LRP1B: variants seen among roughly 807,000 people sequenced by gnomAD.
LRP1B encodes LDL receptor related protein 1B.
A neutral mutation model predicts 556.6 loss-of-function variants in LRP1B; 217 were observed. The observed-to-expected ratio is 0.39, with a 90% CI of 0.35 to 0.44. The LOEUF (loss-of-function observed/expected upper bound fraction) is 0.44, where lower values mean the gene tolerates loss of function less well. Among genes scored for constraint, LRP1B ranks in the 20% least tolerant of loss-of-function variants. The pLI, the probability that LRP1B is intolerant of heterozygous loss-of-function variation, is 1.00. For missense variants in LRP1B, 5,053 were observed against 5,620.8 expected, an observed-to-expected ratio of 0.90 and a Z score of 3.23; for synonymous variants, 2,047 against 1,865.8, an observed-to-expected ratio of 1.10 and a Z score of -2.50.
At chr2:141,066,514 T>A (rs747717207) in intron 7 of LRP1B, among the ~76,000 whole-genome samples, 1 of 151,994 alleles carries the variant, frequency 6.6e-6, no homozygotes, top group South Asian at 2.1e-4. Flanking sequence ...TACTGACATC[T>A]TAAAGCATGC....
At chr2:140,811,072 T>G (rs1240905789) in intron 32 of LRP1B, among the ~76,000 whole-genome samples, 2 of 152,082 alleles carry the variant, frequency 1.3e-5, no homozygotes, top group East Asian at 3.9e-4. Context: ...TGTTTTTTTA[T>G]TTATTCTTTA....
At chr2:140,241,286 C>G (rs1680937720) in intron 87 of LRP1B, among the ~76,000 whole-genome samples, 1 of 150,724 alleles carries the variant, frequency 6.6e-6, no homozygotes, top group East Asian at 2.0e-4. Flanking sequence ...GTTTTAAATA[C>G]CAGAGAACAG....
At chr2:141,107,568 C>T (rs1700637915) in intron 7 of LRP1B, among the ~76,000 whole-genome samples, 1 of 152,106 alleles carries the variant, frequency 6.6e-6, no homozygotes, top group Non-Finnish European at 1.5e-5. Context: ...ATTGCTTGAA[C>T]CCAGAAGGTG....
Position 140,903,073 on chromosome 2 carries a change from G to A in LRP1B, c.3613C>T (p.Leu1205Phe), listed in dbSNP as rs2105223193. 6.2e-7 allele frequency: 1 copy of A among 1,613,596 alleles called. No individual in the cohort carries two copies. The highest frequency in any genetic ancestry group is 2.2e-5 in the East Asian group (1 of 44,816). Residue 1205 changes from leucine to phenylalanine, a missense_variant, in exon 23 of 91, where the codon CTC becomes TTC. Around this residue, in one of 5 missense-constraint regions of LRP1B, gnomAD observed 3,619 missense variants for 3,931.9 expected, o/e 0.92. Transcript: ENST00000389484. Reference sequence around the variant, plus strand: ...TCACATGTTTTATTGTCTTTGTTGAGTTGAAGTCCTTCAGGGCAGGAACAG... The same window carrying A: ...TCACATGTTTTATTGTCTTTGTTGAATTGAAGTCCTTCAGGGCAGGAACAG... Reference protein sequence around the residue: ...IVCSCPEGLQLNKDNKTCEIV... With the variant: ...IVCSCPEGLQFNKDNKTCEIV...
chr2:141,001,003 A>T (rs1197915747), intron 15 of LRP1B, among the ~76,000 whole-genome samples: 1 of 152,062 alleles, frequency 6.6e-6, no homozygotes, highest in Non-Finnish European at 1.5e-5. Flanking sequence ...TATAATTTGA[A>T]GGCCAATGAT....
At chr2:140,635,931 T>C (rs1377051412) in intron 41 of LRP1B, among the ~76,000 whole-genome samples, 1 of 152,170 alleles carries the variant, frequency 6.6e-6, no homozygotes, top group Admixed American at 6.5e-5. Flanking sequence ...GGATCTATTT[T>C]AAGTTATTCT....
chr2:141,169,004 G>A (rs1179252017), intron 7 of LRP1B, among the ~76,000 whole-genome samples: 1 of 151,920 alleles, frequency 6.6e-6, no homozygotes, highest in African/African-American at 2.4e-5. Flanking sequence ...AGATGGGACT[G>A]GCCAGGCGCG....
chr2:141,592,072 C>T (rs991090397), intron 2 of LRP1B, among the ~76,000 whole-genome samples: 1 of 152,078 alleles, frequency 6.6e-6, no homozygotes, highest in Non-Finnish European at 1.5e-5. Flanking sequence ...CACCACTCCC[C>T]TCAACCCCAC....
At chr2:141,361,419 T>C (rs185975159) in intron 3 of LRP1B, among the ~76,000 whole-genome samples, 14 of 152,306 alleles carry the variant, frequency 9.2e-5, no homozygotes, top group Non-Finnish European at 1.8e-4. Context: ...TATTCATATA[T>C]TTAAAGGAGA....
At chr2:140,472,490 T>C (rs1369664412) in intron 60 of LRP1B, among the ~76,000 whole-genome samples, 2 of 152,040 alleles carry the variant, frequency 1.3e-5, no homozygotes, top group African/African-American at 2.4e-5. Context: ...AATTGACCGA[T>C]GTATTTTGGA....
At chr2:141,126,037 ATTT>A (rs61318987) in intron 7 of LRP1B, among the ~76,000 whole-genome samples, 2 of 144,508 alleles carry the variant, frequency 1.4e-5, no homozygotes, top group Non-Finnish European at 3.0e-5. Context: ...TCTTCCTTTT[ATTT>A]TTTTTTTTTT....
intron 41 of LRP1B, 22 bp downstream of exon 41, chr2:140,700,228 A>C: frequency 6.3e-7 from 1 of 1,587,660 alleles, no homozygotes; most frequent in Non-Finnish European, 8.6e-7. Flanking sequence ...CCACCTATTT[A>C]AAATTGAATT....
chr2:140,803,268 T>TGG, intron 32 of LRP1B, among the ~76,000 whole-genome samples: 1 of 124,080 alleles, frequency 8.1e-6, no homozygotes, highest in South Asian at 2.6e-4. Flanking sequence ...AAGTTTTTTT[T>TGG]TTTTTTTTTT....
intron 82 of LRP1B, among the ~76,000 whole-genome samples, chr2:140,315,570 C>T (rs563353921): frequency 6.6e-6 from 1 of 152,026 alleles, no homozygotes. Context: ...CACCACCACA[C>T]GTGGCCAATT....
chr2:141,927,295 A>G (rs928913353), intron 1 of LRP1B, among the ~76,000 whole-genome samples: 1 of 152,158 alleles, frequency 6.6e-6, no homozygotes, highest in Non-Finnish European at 1.5e-5. Context: ...AATTTTGAGA[A>G]CACCATTAAG....
intron 2 of LRP1B, among the ~76,000 whole-genome samples, chr2:141,576,526 A>G (rs1686751293): frequency 1.3e-5 from 2 of 152,194 alleles, no homozygotes; most frequent in South Asian, 4.1e-4. Context: ...ATGTATATCT[A>G]TGTAGTAAAC....
At chr2:141,057,812 T>C (rs1471726651) in intron 9 of LRP1B, among the ~76,000 whole-genome samples, 1 of 151,844 alleles carries the variant, frequency 6.6e-6, no homozygotes, top group Non-Finnish European at 1.5e-5. Flanking sequence ...ACAATCCCCA[T>C]GCCTTTCTCC....
In LRP1B at chr2:140,451,670, A is replaced by G. The variant is rs140450097; in HGVS notation, c.9964-1009T>C. On this transcript the variant is annotated intron_variant, in intron 62 of 90. Coordinates refer to ENST00000389484, the MANE Select transcript of LRP1B (RefSeq NM_018557.3). ...TCTCTTTAAAGCAGTTGAGGCCAAC[A>G]CAGTTCTTTTCATTAGAATTCCTAG... 1.2e-4 allele frequency among the ~76,000 whole-genome samples: 18 copies of G among 152,250 alleles called. No homozygotes were observed. The East Asian group carries it at 3.5e-3, about 29-fold the overall frequency.
intron 3 of LRP1B, among the ~76,000 whole-genome samples, chr2:141,478,738 T>A (rs904330773): frequency 5.9e-5 from 9 of 151,770 alleles, no homozygotes; most frequent in African/African-American, 2.2e-4. Context: ...AGAGACAGGG[T>A]TTCATCACGT....
Sources: allele counts gnomAD v4.1 joint callset (sites outside exome capture counted in the v4.1 genomes callset), GRCh38; gene constraint gnomAD v4.1.1; regional missense constraint gnomAD v4.1.1; transcripts MANE v1.5; gene names NCBI Gene and HGNC (gene_info 2026-07-23, HGNC 2026-07-21).